Variants in GLG1 observed in about 807,000 individuals in gnomAD.
GLG1 encodes Golgi apparatus protein 1.
Under a neutral mutation model 160.5 loss-of-function variants are expected in GLG1, and 38 were observed. That is an observed-to-expected ratio of 0.24 (90% CI 0.18 to 0.31). The LOEUF is 0.31. GLG1 is among the 10% of genes least tolerant of loss of function. The pLI, the probability that GLG1 is intolerant of heterozygous loss-of-function variation, is 1.00. For missense variants in GLG1, 1,373 were observed against 1,505.2 expected (o/e 0.91, Z 1.45); for synonymous variants, 644 against 543.4 (o/e 1.19, Z -2.57).
intron 1 of GLG1, among the ~76,000 whole-genome samples, chr16:74,598,023 A>G (rs1958348326): frequency 6.6e-6 from 1 of 152,122 alleles, no homozygotes; most frequent in Non-Finnish European, 1.5e-5. Context: ...TCTCGAAAAC[A>G]AAATCAAACA....
chr16:74,589,636 CA>C (rs373649188), intron 1 of GLG1, among the ~76,000 whole-genome samples: 88 of 152,264 alleles, frequency 5.8e-4, no homozygotes, highest in African/African-American at 2.1e-3. Context: ...CAGAGGCAAG[CA>C]GGCTGAGAAT....
chr16:74,515,786 G>C (rs1265012459), intron 2 of GLG1, among the ~76,000 whole-genome samples: 1 of 151,622 alleles, frequency 6.6e-6, no homozygotes. Context: ...CCATCAGTGT[G>C]CTGTATTCAG....
At chr16:74,477,977 A>AAAACAAATAAATAAATAAATAAATAAAT (rs55773213) in intron 11 of GLG1, among the ~76,000 whole-genome samples, 3 of 140,148 alleles carry the variant, frequency 2.1e-5, no homozygotes, top group East Asian at 2.3e-4. Context: ...CCGTCTCAAA[A>AAAACAAATAAATAAATAAATAAATAAAT]AAATAAATAA....
At chr16:74,549,148 C>T (rs536362838) in intron 1 of GLG1, among the ~76,000 whole-genome samples, 1 of 152,316 alleles carries the variant, frequency 6.6e-6, no homozygotes, top group South Asian at 2.1e-4. Context: ...CTAATAAGCA[C>T]TTCTGCAAAA....
chr16:74,589,304 A>G (rs1958122122), intron 1 of GLG1, among the ~76,000 whole-genome samples: 1 of 152,074 alleles, frequency 6.6e-6, no homozygotes, highest in Non-Finnish European at 1.5e-5. Context: ...AAATGTTTTT[A>G]TAAGTCAAAT....
At chr16:74,596,852 C>G (rs2068341633) in intron 1 of GLG1, among the ~76,000 whole-genome samples, 1 of 152,040 alleles carries the variant, frequency 6.6e-6, no homozygotes, top group African/African-American at 2.4e-5. Context: ...TACAGTGGCA[C>G]ATGCCTATAA....
chr16:74,573,229 A>C (rs551981726), intron 1 of GLG1, among the ~76,000 whole-genome samples: 1 of 152,350 alleles, frequency 6.6e-6, no homozygotes, highest in Non-Finnish European at 1.5e-5. Flanking sequence ...GTTGGCCCTC[A>C]GAAGATCTTT....
At chr16:74,535,073 C>T (rs2017650673) in intron 1 of GLG1, among the ~76,000 whole-genome samples, 1 of 152,182 alleles carries the variant, frequency 6.6e-6, no homozygotes, top group Non-Finnish European at 1.5e-5. Flanking sequence ...CAGACCTGAA[C>T]TTAACCCTCA....
intron 23 of GLG1, chr16:74,458,266 C>A (rs1013493543): frequency 6.0e-6 from 2 of 332,434 alleles, no homozygotes; most frequent in African/African-American, 2.1e-5. Flanking sequence ...TTGGCATTCC[C>A]GTATGTCATG....
At chr16:74,546,360 G>A (rs997281610) in intron 1 of GLG1, among the ~76,000 whole-genome samples, 15 of 151,948 alleles carry the variant, frequency 9.9e-5, no homozygotes, top group East Asian at 5.8e-4. Context: ...TGGAAGGATC[G>A]CTTGAGCCCA....
Position 74,450,209 on chromosome 16 carries a change from C to T in GLG1, c.*2958G>A, listed in dbSNP as rs898072508. 15 of 152,254 alleles carry T rather than the reference C, an allele frequency of 9.9e-5. No individual in the cohort carries two copies. Among genetic ancestry groups the T allele is most frequent in the African/African-American group, 3.4e-4 (14 of 41,458 alleles). 9.4% of individuals were successfully genotyped at this position (152,254 alleles called of 1,614,324 possible). A position where few individuals can be genotyped will look rare whatever the true frequency, so the allele number is the denominator to read the frequency against. On this transcript the variant is annotated 3_prime_UTR_variant, in exon 26 of 26. Coordinates refer to ENST00000422840, the MANE Select transcript of GLG1 (RefSeq NM_001145667.2). ...CTTCTATTACTGTTGGTGGGCTACACATCAGGAGAGTAGACACAGGCCAGA... is the reference window on the plus strand; with the variant it reads ...CTTCTATTACTGTTGGTGGGCTACATATCAGGAGAGTAGACACAGGCCAGA...
intron 1 of GLG1, among the ~76,000 whole-genome samples, chr16:74,533,483 G>A (rs1277851560): frequency 6.6e-6 from 1 of 151,918 alleles, no homozygotes; most frequent in East Asian, 2.0e-4. Flanking sequence ...CACACCATAA[G>A]GCGGCACCAT....
At chr16:74,597,126 C>CAA (rs1022978269) in intron 1 of GLG1, among the ~76,000 whole-genome samples, 4 of 145,056 alleles carry the variant, frequency 2.8e-5, no homozygotes, top group Non-Finnish European at 3.0e-5. Context: ...CTCAAACAAA[C>CAA]AAAAAAAAAA....
Position 74,470,446 on chromosome 16 carries a change from A to ATT in GLG1, c.2230-375_2230-374dup, listed in dbSNP as rs538522906. On this transcript the variant is annotated intron_variant, in intron 15 of 25. Coordinates refer to ENST00000422840, the MANE Select transcript of GLG1 (RefSeq NM_001145667.2). ...AATAAAAATAGGACATATATTTGTA[A>ATT]TTTTTTTTTTTTTTTTTTTTTGACA... Among the ~76,000 whole-genome samples, 8 of 93,690 alleles carry ATT rather than the reference A, an allele frequency of 8.5e-5. No homozygotes were observed. In the South Asian group the frequency reaches 1.2e-3, roughly 14 times the overall value. The allele number at this position is 93,690 out of a possible 152,430, so 61.5% of individuals were successfully genotyped here. A position where few individuals can be genotyped will look rare whatever the true frequency, so the allele number is the denominator to read the frequency against.
intron 1 of GLG1, among the ~76,000 whole-genome samples, chr16:74,576,237 C>CCAA (rs2019000300): frequency 2.0e-5 from 3 of 151,864 alleles, no homozygotes; most frequent in African/African-American, 7.3e-5. Flanking sequence ...TCTGTGGTGT[C>CCAA]ATACATACAC....
intron 1 of GLG1, among the ~76,000 whole-genome samples, chr16:74,562,178 C>A (rs1178991966): frequency 1.3e-5 from 2 of 152,248 alleles, no homozygotes; most frequent in Admixed American, 6.5e-5. Flanking sequence ...TTTCACTGGA[C>A]AAGTTGTAAA....
chr16:74,465,875 G>A lies in GLG1; in HGVS notation c.2530-62C>T, dbSNP rs944452948. On this transcript the variant is annotated intron_variant, in intron 18 of 25. Coordinates refer to ENST00000422840, the MANE Select transcript of GLG1 (RefSeq NM_001145667.2). ...CAGAGACTGCTCATCCATGTGTTCT[G>A]ATTGAAACATTCAGCTCCACTGTGC... 9.8e-6 allele frequency: 14 copies of A among 1,421,480 alleles called. No individual in the cohort carries two copies. The South Asian group carries it at 1.3e-4, about 13-fold the overall frequency. 88.1% of individuals were successfully genotyped at this position (1,421,480 alleles called of 1,614,324 possible).
chr16:74,583,276 C>G (rs151198348), intron 1 of GLG1, among the ~76,000 whole-genome samples: 6 of 152,162 alleles, frequency 3.9e-5, no homozygotes, highest in Non-Finnish European at 8.8e-5. Context: ...AGAGTTAGTT[C>G]CAAGTTTATA....
chr16:74,511,860 T>C (rs1052364124), intron 2 of GLG1, among the ~76,000 whole-genome samples: 2 of 152,170 alleles, frequency 1.3e-5, no homozygotes, highest in African/African-American at 4.8e-5. Flanking sequence ...AATTTCCTTA[T>C]GAACAAGTCT....
Sources: allele counts gnomAD v4.1 joint callset (sites outside exome capture counted in the v4.1 genomes callset), GRCh38; gene constraint gnomAD v4.1.1; transcripts MANE v1.5; gene names NCBI Gene and HGNC (gene_info 2026-07-23, HGNC 2026-07-21).